The following CTPS2 variants were observed in gnomAD, a reference collection of about 807,000 sequenced individuals.
The protein encoded by CTPS2 is CTP synthase II.
CTPS2 carries 19 observed loss-of-function variants against 46.8 expected under a neutral mutation model. The ratio of observed to expected loss-of-function variants is 0.41; its 90% CI spans 0.28 to 0.60. CTPS2 has a LOEUF of 0.60. CTPS2 is among the 20% of genes least tolerant of loss of function. The pLI is 0.35. For synonymous variants in CTPS2, 151 were observed against 165.2 expected, an observed-to-expected ratio of 0.91 and a Z score of 0.66; for missense variants, 286 against 447.6, an observed-to-expected ratio of 0.64 and a Z score of 3.26.
At chrX:16,664,116 A>C (rs182648882) in intron 13 of CTPS2, among the ~76,000 whole-genome samples, 1 of 112,392 alleles carries the variant, frequency 8.9e-6, no homozygotes, top group Non-Finnish European at 1.9e-5. Context: ...GATTATAGGC[A>C]TGAGCCACTG....
intron 13 of CTPS2, among the ~76,000 whole-genome samples, chrX:16,658,835 G>GT (rs1342833745): frequency 8.9e-5 from 10 of 112,362 alleles, no homozygotes; most frequent in Non-Finnish European, 1.9e-4. Flanking sequence ...TATTCTTCTT[G>GT]TTTAAGAAGT....
intron 13 of CTPS2, among the ~76,000 whole-genome samples, chrX:16,664,786 T>C (rs1921032025): frequency 9.0e-6 from 1 of 111,629 alleles, no homozygotes; most frequent in South Asian, 3.8e-4. Context: ...ACTTTTAGTG[T>C]CACAGTTGGG....
intron 6 of CTPS2, 72 bp from the exon 7 acceptor site, chrX:16,691,692 A>G: frequency 2.2e-6 from 2 of 928,599 alleles, no homozygotes; most frequent in Non-Finnish European, 3.1e-6. Context: ...TTCTTTTTAC[A>G]AGAAACTTGG....
intron 16 of CTPS2, among the ~76,000 whole-genome samples, chrX:16,611,913 C>T (rs751351414): frequency 1.8e-5 from 2 of 112,063 alleles, no homozygotes; most frequent in Non-Finnish European, 3.8e-5. Flanking sequence ...AGAAATTAAG[C>T]AATGTAGCTT....
At chrX:16,700,946 C>A (rs1924504989) in intron 2 of CTPS2, among the ~76,000 whole-genome samples, 2 of 111,838 alleles carry the variant, frequency 1.8e-5, no homozygotes, top group Non-Finnish European at 3.8e-5. Context: ...GACCAACCTG[C>A]TTGGTTTGCC....
intron 11 of CTPS2, among the ~76,000 whole-genome samples, chrX:16,670,202 C>G (rs541218316): frequency 3.6e-5 from 4 of 112,023 alleles, no homozygotes; most frequent in African/African-American, 9.7e-5. Context: ...GCCTCTGCTA[C>G]CCAGCTGGAA....
At position 16,702,736 on chromosome X, in the gene CTPS2, C is replaced by A; in HGVS notation, c.166+1G>T. ...AAGGGGGAAGTGGTTCACTTTCGTA[C>A]CGTGTTCATAAGGTGAAAAAGTGCC... is the stretch of plus-strand genomic sequence containing the variant. On this transcript the variant is annotated splice_donor_variant, in intron 2 of 18. Coordinates refer to ENST00000359276, the MANE Select transcript of CTPS2 (RefSeq NM_175859.3). LOFTEE classifies it high-confidence loss of function. 1 of 1,208,539 alleles carries A rather than the reference C, an allele frequency of 8.3e-7. No individual in the cohort carries two copies. The highest frequency in any genetic ancestry group is 1.1e-6 in the Non-Finnish European group (1 of 893,060).
At chrX:16,688,762 C>CACGCA (rs1310410911) in intron 8 of CTPS2, among the ~76,000 whole-genome samples, 2 of 67,462 alleles carry the variant, frequency 3.0e-5, no homozygotes, top group African/African-American at 2.2e-4. Context: ...ATCTTAAAAA[C>CACGCA]AAGCAAAACA....
Position 16,699,113 on chromosome X carries a change from G to A in CTPS2, c.167-20C>T. Reference sequence around the variant, plus strand: ...CTTCACCTAGGATTAAAAAGGCAATGGAAAAATCAAAACTTTGCTTCCAGT... The same window carrying A: ...CTTCACCTAGGATTAAAAAGGCAATAGAAAAATCAAAACTTTGCTTCCAGT... On this transcript the variant is annotated intron_variant, in intron 2 of 18. Transcript: ENST00000359276. The A allele has an allele frequency of 1.8e-6, 2 of 1,096,604 alleles. No individual in the cohort carries two copies. The highest frequency in any genetic ancestry group is 2.4e-6 in the Non-Finnish European group (2 of 838,383). The allele number at this position is 1,096,604 out of a possible 1,213,427, so 90.4% of individuals were successfully genotyped here.
intron 16 of CTPS2, among the ~76,000 whole-genome samples, chrX:16,614,260 A>C (rs1410853879): frequency 8.9e-6 from 1 of 112,215 alleles, no homozygotes; most frequent in African/African-American, 3.2e-5. Context: ...CACGACAAAG[A>C]ATTATTCCAC....
At chrX:16,672,803 T>G (rs2147310624) in intron 10 of CTPS2, among the ~76,000 whole-genome samples, 1 of 109,786 alleles carries the variant, frequency 9.1e-6, no homozygotes, top group East Asian at 2.8e-4. Flanking sequence ...TCTGTGCAAA[T>G]TGGTTGAATG....
intron 17 of CTPS2, among the ~76,000 whole-genome samples, chrX:16,608,346 G>A (rs1930093957): frequency 9.0e-6 from 1 of 111,206 alleles, no homozygotes; most frequent in Non-Finnish European, 1.9e-5. Flanking sequence ...CAGCACTTTG[G>A]GAGGTCAAGG....
At chrX:16,694,467 T>C (rs983221507) in intron 4 of CTPS2, among the ~76,000 whole-genome samples, 2 of 111,860 alleles carry the variant, frequency 1.8e-5, no homozygotes, top group African/African-American at 6.5e-5. Flanking sequence ...CCACTAGCCC[T>C]TGTCACAGCA....
chrX:16,687,336 G>A (rs912204059), intron 8 of CTPS2, among the ~76,000 whole-genome samples: 1 of 108,111 alleles, frequency 9.2e-6, no homozygotes, highest in Non-Finnish European at 1.9e-5. Flanking sequence ...TTAGTTGGCC[G>A]TGGTGTAGCG....
chrX:16,687,703 C>T (rs1923348727), intron 8 of CTPS2, among the ~76,000 whole-genome samples: 1 of 110,610 alleles, frequency 9.0e-6, no homozygotes, highest in Admixed American at 9.8e-5. Context: ...GCTCTTCCTT[C>T]CTGATTCCAC....
chrX:16,698,322 T>TA lies in CTPS2; in HGVS notation c.351dup (p.Thr118TyrfsTer2). The TA allele has an allele frequency of 2.5e-6, 3 of 1,186,969 alleles. No homozygotes were observed. The highest frequency in any genetic ancestry group is 3.4e-6 in the Non-Finnish European group (3 of 873,419). On this transcript the variant is annotated frameshift_variant, in exon 4 of 19. Transcript: ENST00000359276. LOFTEE classifies it high-confidence loss of function. ...ATAACCCACTCCTGGACAGCATCAG[T>TA]AATGTGAGGGACAACTGTAGAAAGA...
intron 14 of CTPS2, among the ~76,000 whole-genome samples, chrX:16,637,074 T>C (rs2147236819): frequency 8.9e-6 from 1 of 112,024 alleles, no homozygotes; most frequent in African/African-American, 3.2e-5. Context: ...AAATCATCAA[T>C]ATTTTTATGT....
chrX:16,599,702 C>T (rs1929534230), intron 17 of CTPS2, among the ~76,000 whole-genome samples: 1 of 109,288 alleles, frequency 9.2e-6, no homozygotes, highest in African/African-American at 3.3e-5. Context: ...TCTCAAACTC[C>T]CAAACTCAGG....
At chrX:16,687,490 A>G (rs1402556641) in intron 8 of CTPS2, among the ~76,000 whole-genome samples, 1 of 108,901 alleles carries the variant, frequency 9.2e-6, no homozygotes, top group Non-Finnish European at 1.9e-5. Context: ...AAAAAAAAAA[A>G]AAAAGAAAGA....
Sources: allele counts gnomAD v4.1 joint callset (sites outside exome capture counted in the v4.1 genomes callset), GRCh38; gene constraint gnomAD v4.1.1; transcripts MANE v1.5; gene names NCBI Gene and HGNC (gene_info 2026-07-23, HGNC 2026-07-21).